Variants in ANKIB1 observed in about 807,000 individuals in gnomAD.
The protein encoded by ANKIB1 is ankyrin repeat and IBR domain-containing protein 1.
ANKIB1 carries 43 observed loss-of-function variants against 122.1 expected under a neutral mutation model. That is an observed-to-expected ratio of 0.35 (90% confidence interval 0.28 to 0.45). The LOEUF (loss-of-function observed/expected upper bound fraction) is 0.45, where lower values mean the gene tolerates loss of function less well. Ranked by LOEUF, ANKIB1 falls within the 20% of genes least tolerant of loss-of-function variation. The pLI is 1.00. For synonymous variants in ANKIB1, 390 were observed against 442.0 expected, an observed-to-expected ratio of 0.88 and a Z score of 1.48; for missense variants, 992 against 1,329.5, an observed-to-expected ratio of 0.75 and a Z score of 3.95.
intron 10 of ANKIB1, among the ~76,000 whole-genome samples, chr7:92,368,960 T>G (rs1320231000): frequency 6.6e-6 from 1 of 152,202 alleles, no homozygotes; most frequent in African/African-American, 2.4e-5. Flanking sequence ...TTAATGGCTT[T>G]GTGCTTTATT....
chr7:92,292,310 T>C (rs964226868), intron 1 of ANKIB1, among the ~76,000 whole-genome samples: 2 of 152,246 alleles, frequency 1.3e-5, no homozygotes, highest in Non-Finnish European at 2.9e-5. Context: ...AAATGACTTC[T>C]CAATGCCATT....
intron 11 of ANKIB1, among the ~76,000 whole-genome samples, chr7:92,377,903 G>A (rs1395013733): frequency 6.6e-6 from 1 of 151,680 alleles, no homozygotes; most frequent in Non-Finnish European, 1.5e-5. Flanking sequence ...AACCTTTAAG[G>A]GGCCGGTAAT....
chr7:92,381,105 C>T (rs376245596), intron 11 of ANKIB1, among the ~76,000 whole-genome samples: 137 of 151,798 alleles, frequency 9.0e-4, no homozygotes, highest in Non-Finnish European at 1.2e-3. Context: ...AACTATGTGA[C>T]GCATGCATAA....
intron 11 of ANKIB1, among the ~76,000 whole-genome samples, chr7:92,383,910 GAAAT>G (rs1198208909): frequency 6.6e-6 from 1 of 152,054 alleles, no homozygotes; most frequent in Non-Finnish European, 1.5e-5. Flanking sequence ...GCAAGAGAAA[GAAAT>G]AGAGTATTCA....
chr7:92,395,358 A>G (rs1804864166), intron 17 of ANKIB1, among the ~76,000 whole-genome samples: 1 of 152,178 alleles, frequency 6.6e-6, no homozygotes, highest in African/African-American at 2.4e-5. Flanking sequence ...AAGCTAAATA[A>G]TCATCTTATT....
intron 1 of ANKIB1, among the ~76,000 whole-genome samples, chr7:92,267,043 G>T (rs1231810652): frequency 6.6e-6 from 1 of 152,212 alleles, no homozygotes; most frequent in Non-Finnish European, 1.5e-5. Context: ...CAGTCAGGGA[G>T]TGGTGAGAAT....
intron 5 of ANKIB1, among the ~76,000 whole-genome samples, chr7:92,334,812 T>C (rs1184697568): frequency 1.3e-5 from 2 of 151,998 alleles, no homozygotes; most frequent in African/African-American, 4.8e-5. Context: ...AATCTCATTA[T>C]ATAAACATAC....
intron 9 of ANKIB1, among the ~76,000 whole-genome samples, chr7:92,358,008 C>T (rs953846484): frequency 6.6e-6 from 1 of 151,908 alleles, no homozygotes; most frequent in Non-Finnish European, 1.5e-5. Flanking sequence ...TTTGGGAGGC[C>T]GAGGCGGGCA....
intron 1 of ANKIB1, among the ~76,000 whole-genome samples, chr7:92,292,848 A>G (rs1287292805): frequency 6.6e-6 from 1 of 152,238 alleles, no homozygotes; most frequent in Non-Finnish European, 1.5e-5. Flanking sequence ...TTATGTATCA[A>G]AATGCTACCA....
chr7:92,379,471 A>G (rs1804462225), intron 11 of ANKIB1, among the ~76,000 whole-genome samples: 1 of 152,176 alleles, frequency 6.6e-6, no homozygotes, highest in East Asian at 1.9e-4. Flanking sequence ...AGTGAAGGGG[A>G]ACTAGCCTTG....
intron 1 of ANKIB1, among the ~76,000 whole-genome samples, chr7:92,261,937 T>C (rs959409442): frequency 6.6e-6 from 1 of 152,214 alleles, no homozygotes; most frequent in Non-Finnish European, 1.5e-5. Flanking sequence ...TTCTTCAGGA[T>C]GTAGGGAAGC....
chr7:92,392,455 T>C (rs1449980015), intron 17 of ANKIB1, among the ~76,000 whole-genome samples, 163 bp downstream of exon 17: 1 of 152,160 alleles, frequency 6.6e-6, no homozygotes, highest in Non-Finnish European at 1.5e-5. Flanking sequence ...GCTATTTATG[T>C]GGTATTGCTA....
chr7:92,270,682 C>T (rs1266359548), intron 1 of ANKIB1, among the ~76,000 whole-genome samples: 2 of 151,476 alleles, frequency 1.3e-5, no homozygotes, highest in African/African-American at 4.8e-5. Flanking sequence ...TACCCTCTGC[C>T]ACTCGCTAGC....
intron 10 of ANKIB1, among the ~76,000 whole-genome samples, chr7:92,366,701 T>C (rs1804092767): frequency 6.6e-6 from 1 of 152,224 alleles, no homozygotes; most frequent in African/African-American, 2.4e-5. Context: ...CTGTTTTGCC[T>C]GTGGTCTAAT....
intron 10 of ANKIB1, among the ~76,000 whole-genome samples, chr7:92,370,508 CAAAAAAAAA>C (rs34318038): frequency 0.049 from 1,610 of 32,878 alleles, 31 homozygotes; most frequent in African/African-American, 0.11. Context: ...ACTCTTGTCT[CAAAAAAAAA>C]AAAAAAAAAA....
At chr7:92,309,942 A>AAAAAAAAAAATATATATATATATATATAT (rs1335765681) in intron 3 of ANKIB1, among the ~76,000 whole-genome samples, 3 of 91,784 alleles carry the variant, frequency 3.3e-5, no homozygotes, top group African/African-American at 1.5e-4. Flanking sequence ...AAAAAAAAAA[A>AAAAAAAAAAATATATATATATATATATAT]ATATATATAT....
chr7:92,343,321 G>A, intron 6 of ANKIB1, 89 bp downstream of exon 6: 1 of 1,218,836 alleles, frequency 8.2e-7, no homozygotes, highest in Non-Finnish European at 1.2e-6. Flanking sequence ...TGGAGTGTCT[G>A]GTTGTGTTCT....
At chr7:92,267,975 A>G (rs1051570446) in intron 1 of ANKIB1, among the ~76,000 whole-genome samples, 6 of 152,204 alleles carry the variant, frequency 3.9e-5, no homozygotes, top group Admixed American at 3.9e-4. Flanking sequence ...CTTTGCTTCT[A>G]AAGATGTGTA....
chr7:92,254,566 A>T (rs1801397666), intron 1 of ANKIB1, among the ~76,000 whole-genome samples: 1 of 152,148 alleles, frequency 6.6e-6, no homozygotes. Context: ...CTAACTACTT[A>T]TGAGGCTAGC....
Sources: gnomAD v4.1 joint callset for allele counts (sites outside exome capture counted in the v4.1 genomes callset) on GRCh38, gnomAD v4.1.1 for gene constraint, MANE v1.5 for transcripts, NCBI Gene and HGNC (gene_info 2026-07-23, HGNC 2026-07-21) for gene names.